FCRL6: variants seen among roughly 807,000 people sequenced by gnomAD.
The protein encoded by FCRL6 is Fc receptor like 6, also known as Fc receptor-like protein 6.
FCRL6 carries 50 observed loss-of-function variants against 49.1 expected under a neutral mutation model. The ratio of observed to expected loss-of-function variants is 1.02; its 90% CI spans 0.81 to 1.29. The LOEUF (loss-of-function observed/expected upper bound fraction) is 1.29, where lower values mean the gene tolerates loss of function less well. FCRL6 is among the 50% of genes most tolerant of loss of function. FCRL6 has a pLI of 0.00. For missense variants in FCRL6, 571 were observed against 518.5 expected (o/e 1.10, Z -0.98); for synonymous variants, 213 against 199.6 (o/e 1.07, Z -0.57).
rs774875863 is a variant in FCRL6, at chr1:159,810,090, C to T, written c.887-4C>T. The T allele has an allele frequency of 6.2e-7, 1 of 1,610,278 alleles. No individual in the cohort carries two copies. The highest frequency in any genetic ancestry group is 1.1e-5 in the South Asian group (1 of 90,400). On this transcript the variant is annotated splice_polypyrimidine_tract_variant and splice_region_variant and intron_variant, in intron 5 of 9. Transcript: ENST00000368106. The stretch of plus-strand genomic sequence containing the variant: ...CATGGCCACCTTCTTCTCCCTGCTC[C>T]CAGGTTCTCAAGTCTTGTTCACTCC...
chr1:159,809,285 G>A (rs12087576), intron 4 of FCRL6, 40 bp downstream of exon 4: 6 of 1,525,834 alleles, frequency 3.9e-6, no homozygotes, highest in Non-Finnish European at 4.4e-6. Context: ...CAGGGCCCTG[G>A]GCGTCAGGCA....
At position 159,809,724 on chromosome 1, in the gene FCRL6, C is replaced by T. The variant is rs752034070; in HGVS notation, c.886+41C>T. 3.8e-6 allele frequency: 6 copies of T among 1,575,858 alleles called. 1 individual carries two copies. In the Admixed American group the frequency reaches 8.4e-5, roughly 22 times the overall value. On this transcript the variant is annotated intron_variant, in intron 5 of 9. Transcript: ENST00000368106. ...CAACAGAGCTTTGAGCCCCAGCAAG[C>T]TGGCAGGGGTCAGATCTCACCCTCT...
At chr1:159,810,772 G>A (rs1663045985) in intron 6 of FCRL6, among the ~76,000 whole-genome samples, 1 of 152,194 alleles carries the variant, frequency 6.6e-6, no homozygotes, top group Non-Finnish European at 1.5e-5. Flanking sequence ...AGACAAGACT[G>A]AGCAATGGCC....
upstream of FCRL6, among the ~76,000 whole-genome samples, chr1:159,800,820 C>T (rs1662283211): frequency 4.6e-5 from 7 of 152,196 alleles, no homozygotes; most frequent in Admixed American, 4.6e-4. Context: ...TTCCATCAGA[C>T]TATGTAGAAC....
rs1663202741 is a variant in FCRL6 at position 159,813,471 on chromosome 1, T to A, written c.1010-18T>A. On this transcript the variant is annotated intron_variant, in intron 6 of 9. Transcript: ENST00000368106. ...CCTCTAAGGGACACCCAGTGAATCA[T>A]GCCCTTGTATCTCCTAGGGCCCCTT... 1 of 1,610,200 alleles carries A rather than the reference T, an allele frequency of 6.2e-7. No individual in the cohort carries two copies. The highest frequency in any genetic ancestry group is 8.5e-7 in the Non-Finnish European group (1 of 1,176,616).
At chr1:159,802,496 G>A (rs779944866) in intron 1 of FCRL6, 41 bp downstream of exon 1, 1 of 1,572,244 alleles carries the variant, frequency 6.4e-7, no homozygotes, top group Admixed American at 1.7e-5. Context: ...GGAGCACTAA[G>A]GACCGTAAGT....
chr1:159,812,556 T>C (rs1165355533), intron 6 of FCRL6, among the ~76,000 whole-genome samples: 1 of 152,176 alleles, frequency 6.6e-6, no homozygotes, highest in East Asian at 1.9e-4. Context: ...ACACATCCCG[T>C]AAAACAAAGT....
At chr1:159,806,523 G>A (rs2101738521) in intron 1 of FCRL6, 73 bp from the exon 2 acceptor site, 1 of 1,382,366 alleles carries the variant, frequency 7.2e-7, no homozygotes. Context: ...CCCCATTGCT[G>A]AAGTGACAGG....
intron 7 of FCRL6, 30 bp downstream of exon 7, chr1:159,813,584 C>G: frequency 6.3e-7 from 1 of 1,593,210 alleles, no homozygotes; most frequent in Non-Finnish European, 8.6e-7. Context: ...TGGTGGTGTG[C>G]CCATGTGGGC....
At chr1:159,800,593 T>C (rs1400146522), upstream of FCRL6, 15 of 1,550,242 alleles carry the variant, frequency 9.7e-6, no homozygotes, top group Non-Finnish European at 1.2e-5. Flanking sequence ...GAGGAAAATA[T>C]ATGAATGTTG....
At chr1:159,808,670 G>A in intron 3 of FCRL6, 4 of 628,346 alleles carry the variant, frequency 6.4e-6, no homozygotes, top group Non-Finnish European at 1.1e-5. Flanking sequence ...CTTGGGAAGG[G>A]GGCACTGGGA....
chr1:159,808,672 G>T, intron 3 of FCRL6: 2 of 624,618 alleles, frequency 3.2e-6, no homozygotes, highest in Non-Finnish European at 5.6e-6. Flanking sequence ...TGGGAAGGGG[G>T]CACTGGGAAG....
Position 159,815,727 on chromosome 1 carries a change from G to A in FCRL6, c.*66G>A. The stretch of plus-strand genomic sequence containing the variant: ...CCAGTGCTCCTCAGGAAGACAGTGG[G>A]GTCCTCAACTCTTTCTGTGGGTCCT... On this transcript the variant is annotated 3_prime_UTR_variant, in exon 10 of 10. Transcript: ENST00000368106. 6 of 1,591,262 alleles carry A rather than the reference G, an allele frequency of 3.8e-6. No homozygotes were observed. Among genetic ancestry groups the A allele is most frequent in the Middle Eastern group, 1.8e-4 (1 of 5,690 alleles).
intron 3 of FCRL6, 33 bp from the exon 4 acceptor site, chr1:159,808,928 C>G (rs1270608344): frequency 3.2e-6 from 5 of 1,546,212 alleles, no homozygotes; most frequent in Non-Finnish European, 4.4e-6. Context: ...ATCCAGGACT[C>G]CCCTCCTGAG....
At chr1:159,808,083 A>T in intron 2 of FCRL6, 95 bp from the exon 3 acceptor site, 1 of 1,392,428 alleles carries the variant, frequency 7.2e-7, no homozygotes, top group Non-Finnish European at 9.9e-7. Context: ...AAGGGCCTCC[A>T]TCCCCAGCAG....
intron 3 of FCRL6, 59 bp from the exon 4 acceptor site, chr1:159,808,902 C>T (rs1662891069): frequency 6.7e-7 from 1 of 1,501,696 alleles, no homozygotes; most frequent in African/African-American, 1.4e-5. Flanking sequence ...AGGCCTCAGC[C>T]TCCTGGGGCT....
At chr1:159,815,403 A>C in intron 8 of FCRL6, 25 bp from the exon 9 acceptor site, 1 of 1,612,478 alleles carries the variant, frequency 6.2e-7, no homozygotes, top group South Asian at 1.1e-5. Flanking sequence ...CAGAGACCTG[A>C]CCTGAGCTCA....
chr1:159,812,554 C>T (rs917899111), intron 6 of FCRL6, among the ~76,000 whole-genome samples: 21 of 152,142 alleles, frequency 1.4e-4, no homozygotes, highest in Non-Finnish European at 2.8e-4. Flanking sequence ...TCACACATCC[C>T]GTAAAACAAA....
At chr1:159,813,436 T>C in intron 6 of FCRL6, 53 bp from the exon 7 acceptor site, 4 of 1,503,980 alleles carry the variant, frequency 2.7e-6, no homozygotes, top group Non-Finnish European at 3.7e-6. Flanking sequence ...CTGTCCCCTG[T>C]CCCACCTGCC....
Sources: allele counts gnomAD v4.1 joint callset (sites outside exome capture counted in the v4.1 genomes callset), GRCh38; gene constraint gnomAD v4.1.1; transcripts MANE v1.5; gene names NCBI Gene and HGNC (gene_info 2026-07-23, HGNC 2026-07-21).